SUMF1: variants seen among roughly 807,000 people sequenced by gnomAD.
SUMF1 encodes formylglycine-generating enzyme.
Under a neutral mutation model 47.6 loss-of-function variants are expected in SUMF1, and 48 were observed. The ratio of observed to expected loss-of-function variants is 1.01; its 90% CI spans 0.80 to 1.28. The LOEUF is 1.28. SUMF1 is among the 50% of genes most tolerant of loss of function. SUMF1 has a pLI of 0.00. For missense variants in SUMF1, 571 were observed against 485.4 expected, an observed-to-expected ratio of 1.18 and a Z score of -1.66; for synonymous variants, 230 against 192.1, an observed-to-expected ratio of 1.20 and a Z score of -1.63.
intron 8 of SUMF1, among the ~76,000 whole-genome samples, chr3:4,110,769 C>T (rs1391609150): frequency 2.1e-5 from 3 of 145,178 alleles, no homozygotes; most frequent in South Asian, 4.3e-4. Context: ...CGCATGTTCT[C>T]ACTCATAGGT....
At chr3:4,195,114 A>C (rs150945759) in intron 8 of SUMF1, among the ~76,000 whole-genome samples, 1 of 152,152 alleles carries the variant, frequency 6.6e-6, no homozygotes, top group East Asian at 1.9e-4. Flanking sequence ...TATAGCAAGG[A>C]AACACAAATT....
intron 8 of SUMF1, among the ~76,000 whole-genome samples, chr3:4,201,585 A>C (rs1695541039): frequency 5.9e-5 from 9 of 152,158 alleles, no homozygotes; most frequent in Admixed American, 5.9e-4. Context: ...ACAATTGTGA[A>C]TAGTGCTGCA....
chr3:4,143,955 G>C (rs1694133068), intron 8 of SUMF1, among the ~76,000 whole-genome samples: 1 of 150,086 alleles, frequency 6.7e-6, no homozygotes, highest in Non-Finnish European at 1.5e-5. Flanking sequence ...GCAGGCCATA[G>C]TGCCTCCTTA....
intron 8 of SUMF1, among the ~76,000 whole-genome samples, chr3:4,172,813 C>G (rs1694863021): frequency 6.6e-6 from 1 of 152,090 alleles, no homozygotes; most frequent in South Asian, 2.1e-4. Context: ...TGTAGGTTGC[C>G]TGTTCACTCT....
intron 3 of SUMF1, among the ~76,000 whole-genome samples, chr3:4,447,110 G>A (rs764666570): frequency 4.0e-5 from 6 of 151,816 alleles, no homozygotes; most frequent in East Asian, 1.9e-4. Flanking sequence ...TTACAGGTAC[G>A]TTCACCTTAG....
intron 8 of SUMF1, among the ~76,000 whole-genome samples, chr3:4,086,544 T>C (rs1313680331): frequency 6.6e-6 from 1 of 152,108 alleles, no homozygotes; most frequent in Non-Finnish European, 1.5e-5. Context: ...TCCTCATCTA[T>C]TAAATAGAGA....
At chr3:4,207,976 C>A (rs1695690218) in intron 8 of SUMF1, among the ~76,000 whole-genome samples, 1 of 152,158 alleles carries the variant, frequency 6.6e-6, no homozygotes, top group African/African-American at 2.4e-5. Context: ...TGAGTTCTAC[C>A]TGCAGGAGCT....
At chr3:4,334,209 ATCAGCT>A (rs1300556553) in intron 8 of SUMF1, among the ~76,000 whole-genome samples, 1 of 152,216 alleles carries the variant, frequency 6.6e-6, no homozygotes, top group Non-Finnish European at 1.5e-5. Flanking sequence ...AAGGCTAGAT[ATCAGCT>A]TCTAATTAAA....
Position 4,098,036 on chromosome 3 carries a change from T to C in SUMF1, c.1015-29291A>G, listed in dbSNP as rs529064198. Among the ~76,000 whole-genome samples, 4 of 152,252 alleles carry C rather than the reference T, an allele frequency of 2.6e-5. No homozygotes were observed. The East Asian group carries it at 7.7e-4, about 29-fold the overall frequency. The stretch of plus-strand genomic sequence containing the variant: ...TCTGGCCTCTTGCCTTTCAAAACAA[T>C]GTCTCCGCTGAAATGCCCAGAAGAA... On this transcript the variant is annotated intron_variant and NMD_transcript_variant, in intron 8 of 12. Transcript: ENST00000448413.
chr3:4,362,013 G>A lies in SUMF1; in HGVS notation c.*131C>T, dbSNP rs1699775038. The A allele has an allele frequency of 3.6e-6, 3 of 825,966 alleles. No homozygotes were observed. Among genetic ancestry groups the A allele is most frequent in the Non-Finnish European group, 6.0e-6 (3 of 502,018 alleles). 51.2% of individuals were successfully genotyped at this position (825,966 alleles called of 1,614,324 possible). A position where few individuals can be genotyped will look rare whatever the true frequency, so the allele number is the denominator to read the frequency against. On this transcript the variant is annotated 3_prime_UTR_variant, in exon 9 of 9. Coordinates refer to ENST00000272902, the MANE Select transcript of SUMF1 (RefSeq NM_182760.4). ...TTTGGTCTCACAAGGCGGTTCCTTT[G>A]GCCATTGGGCAGGTATGTAACCCAC...
At chr3:4,246,883 C>A (rs1696684100) in intron 8 of SUMF1, among the ~76,000 whole-genome samples, 1 of 152,130 alleles carries the variant, frequency 6.6e-6, no homozygotes, top group African/African-American at 2.4e-5. Context: ...TTCTATAAGT[C>A]ATGGACCCAG....
chr3:4,106,801 C>A (rs1693170004), intron 8 of SUMF1, among the ~76,000 whole-genome samples: 1 of 152,034 alleles, frequency 6.6e-6, no homozygotes. Flanking sequence ...GCATTAGAAA[C>A]CCTCGATAAC....
chr3:4,428,848 A>C (rs1702147824), intron 3 of SUMF1, among the ~76,000 whole-genome samples: 1 of 152,224 alleles, frequency 6.6e-6, no homozygotes, highest in Non-Finnish European at 1.5e-5. Flanking sequence ...TTTTATATTC[A>C]TCTTCCAGCT....
chr3:4,129,151 T>G (rs924456308), intron 8 of SUMF1, among the ~76,000 whole-genome samples: 2 of 152,104 alleles, frequency 1.3e-5, no homozygotes, highest in African/African-American at 2.4e-5. Context: ...AAGAGCCCTG[T>G]AATTGCCCTT....
intron 9 of SUMF1, among the ~76,000 whole-genome samples, chr3:4,044,743 A>C (rs760569667): frequency 6.6e-6 from 1 of 152,194 alleles, no homozygotes; most frequent in Non-Finnish European, 1.5e-5. Context: ...TCATGATGAG[A>C]CTTTTAGATC....
In SUMF1 at chr3:4,280,774, G is replaced by C. The variant is rs559539195; in HGVS notation, c.1014+95556C>G. On this transcript the variant is annotated intron_variant and NMD_transcript_variant, in intron 8 of 12. Transcript: ENST00000448413. ...CCTCCTAGTGTCTGGTAGTTCCTTGGATTATGGCAGTATAACTCCAATCTT... is the reference window on the plus strand; with the variant it reads ...CCTCCTAGTGTCTGGTAGTTCCTTGCATTATGGCAGTATAACTCCAATCTT... Among the ~76,000 whole-genome samples, 31 of 150,876 alleles carry C rather than the reference G, an allele frequency of 2.1e-4. No homozygotes were observed. In the East Asian group the frequency reaches 6.1e-3, roughly 30 times the overall value.
intron 8 of SUMF1, among the ~76,000 whole-genome samples, chr3:4,337,062 T>C (rs984582070): frequency 6.6e-6 from 1 of 152,232 alleles, no homozygotes; most frequent in Non-Finnish European, 1.5e-5. Context: ...TCCTGGTTTC[T>C]CTTTTAGATA....
At chr3:4,318,879 C>T (rs1698755507) in intron 8 of SUMF1, among the ~76,000 whole-genome samples, 1 of 152,052 alleles carries the variant, frequency 6.6e-6, no homozygotes. Flanking sequence ...GCACTCCAGT[C>T]CAGGTGACAG....
chr3:4,465,426 C>A (rs1331778145), intron 1 of SUMF1, among the ~76,000 whole-genome samples: 1 of 150,674 alleles, frequency 6.6e-6, no homozygotes, highest in Non-Finnish European at 1.5e-5. Flanking sequence ...TTGCAGTGAG[C>A]GGAGATCGCG....
Sources: gnomAD v4.1 joint callset for allele counts (sites outside exome capture counted in the v4.1 genomes callset) on GRCh38, gnomAD v4.1.1 for gene constraint, MANE v1.5 for transcripts, NCBI Gene and HGNC (gene_info 2026-07-23, HGNC 2026-07-21) for gene names.